Variants in LMAN1 observed in about 807,000 individuals in gnomAD.
LMAN1 encodes the protein lectin, mannose binding 1.
LMAN1 carries 32 observed loss-of-function variants against 67.8 expected under a neutral mutation model. The observed-to-expected ratio is 0.47, with a 90% CI of 0.36 to 0.63. LMAN1 has a LOEUF of 0.63. Among genes scored for constraint, LMAN1 ranks in the 30% least tolerant of loss-of-function variants. LMAN1 has a pLI of 0.00. For missense variants in LMAN1, 632 were observed against 628.2 expected (o/e 1.01, Z -0.06); for synonymous variants, 235 against 219.3 (o/e 1.07, Z -0.63).
In LMAN1 at chr18:59,331,446, C is replaced by A. The variant is rs750578344; in HGVS notation, c.1468G>T (p.Val490Leu). Residue 490 changes from valine to leucine, a missense_variant, in exon 12 of 13, where the codon GTA (valine) becomes TTA (leucine). Val to Leu is a conservative substitution (Grantham distance 32). Coordinates refer to ENST00000251047, the MANE Select transcript of LMAN1 (RefSeq NM_005570.4). Reference sequence around the variant, plus strand: ...TACATGATATAACCAATGAATAATACAGTTTGCACCACAACAAATATAATG... The same window carrying A: ...TACATGATATAACCAATGAATAATAAAGTTTGCACCACAACAAATATAATG... ...HFIIFVVVQT[V>L]LFIGYIMYRS... 1.9e-6 allele frequency: 3 copies of A among 1,608,672 alleles called. No individual in the cohort carries two copies. Among genetic ancestry groups the A allele is most frequent in the Non-Finnish European group, 2.6e-6 (3 of 1,175,314 alleles).
intron 5 of LMAN1, 137 bp downstream of exon 5, chr18:59,353,065 C>G (rs984251017): frequency 2.4e-5 from 18 of 757,662 alleles, no homozygotes; most frequent in Admixed American, 1.8e-4. Context: ...GAAGCCACCT[C>G]CGTTCTCTTA....
At position 59,330,682 on chromosome 18, in the gene LMAN1, A is replaced by G. The variant is rs1330400656; in HGVS notation, c.*411T>C. 2 of 161,718 alleles carry G rather than the reference A, an allele frequency of 1.2e-5. No homozygotes were observed. Among genetic ancestry groups the G allele is most frequent in the African/African-American group, 4.8e-5 (2 of 41,660 alleles). 10.0% of individuals were successfully genotyped at this position (161,718 alleles called of 1,614,324 possible). A position where few individuals can be genotyped will look rare whatever the true frequency, so the allele number is the denominator to read the frequency against. On this transcript the variant is annotated 3_prime_UTR_variant, in exon 13 of 13. Transcript: ENST00000251047. ...GACCTCTAAAAAAGACTTTGGTTAC[A>G]AAATAAACCTGATGGGACTTCTTAA...
At position 59,359,131 on chromosome 18, in the gene LMAN1, C is replaced by T. The variant is rs1389460714; in HGVS notation, c.114G>A (p.Ala38=). The part of the protein sequence containing the change: ...VRGDGVGGDP[A]VALPHRRFEY... ...CGAAACGGCGATGTGGCAACGCGAC[C>T]GCGGGGTCTCCTCCCACGCCGTCGC... The change falls in exon 1 of 13, where the codon GCG becomes GCA. Residue 38 remains alanine, a synonymous_variant. Coordinates refer to ENST00000251047, the MANE Select transcript of LMAN1 (RefSeq NM_005570.4). 7 of 1,614,120 alleles carry T rather than the reference C, an allele frequency of 4.3e-6. No individual in the cohort carries two copies. The South Asian group carries it at 6.6e-5, about 15-fold the overall frequency.
chr18:59,347,597 GA>G, intron 6 of LMAN1, 26 bp from the exon 7 acceptor site: 1 of 1,457,334 alleles, frequency 6.9e-7, no homozygotes, highest in Non-Finnish European at 9.5e-7. Flanking sequence ...AAAAAAGTCT[GA>G]AAAAGTTCCA....
At chr18:59,340,667 A>G (rs1356331419) in intron 8 of LMAN1, among the ~76,000 whole-genome samples, 1 of 152,214 alleles carries the variant, frequency 6.6e-6, no homozygotes, top group African/African-American at 2.4e-5. Flanking sequence ...ACAAAAGGGC[A>G]ATATTCACCA....
chr18:59,358,605 G>A (rs1230860133), intron 1 of LMAN1, among the ~76,000 whole-genome samples: 2 of 152,082 alleles, frequency 1.3e-5, no homozygotes, highest in Non-Finnish European at 1.5e-5. Flanking sequence ...AAGCGGGAAA[G>A]GAAGTAAGGG....
chr18:59,333,102 G>A lies in LMAN1; in HGVS notation c.1363C>T (p.Gln455Ter), dbSNP rs2070758343. ...GGAAACAAAGTTACCATATTTCGCT[G>A]CACTAAGTTATCTATGTCCCTCTTT... Reference protein sequence around the residue: ...IVKRDIDNLVQRNMPSNEKPK... With the variant: ...IVKRDIDNLV Residue 455 changes from glutamine to a stop codon, truncating the protein, a stop_gained, in exon 11 of 13, where the codon CAG becomes TAG. Transcript: ENST00000251047. LOFTEE classifies it high-confidence loss of function. 6.2e-7 allele frequency: 1 copy of A among 1,612,754 alleles called. No individual in the cohort carries two copies.
rs765110227 is a variant in LMAN1 at position 59,331,425 on chromosome 18, T to C, written c.1489A>G (p.Met497Val). 2 of 1,607,294 alleles carry C rather than the reference T, an allele frequency of 1.2e-6. No homozygotes were observed. The highest frequency in any genetic ancestry group is 1.3e-5 in the African/African-American group (1 of 74,846). Residue 497 changes from methionine (M) to valine (V), a missense_variant, in exon 12 of 13, where the codon ATG becomes GTG. Met to Val is a conservative substitution (Grantham distance 21, BLOSUM62 1). Coordinates refer to ENST00000251047, the MANE Select transcript of LMAN1 (RefSeq NM_005570.4). ...VQTVLFIGYI[M>V]YRSQQEAAAK... ...TTTTATCAAGAGACTTACCTATACA[T>C]GATATAACCAATGAATAATACAGTT...
intron 10 of LMAN1, among the ~76,000 whole-genome samples, 179 bp downstream of exon 10, chr18:59,338,378 T>C (rs186183051): frequency 2.0e-4 from 31 of 152,354 alleles, no homozygotes; most frequent in African/African-American, 7.2e-4. Flanking sequence ...TTAGACATGT[T>C]TGCAGTTTTT....
intron 10 of LMAN1, among the ~76,000 whole-genome samples, chr18:59,335,600 C>T (rs758864216): frequency 3.9e-5 from 6 of 152,018 alleles, no homozygotes; most frequent in Non-Finnish European, 7.4e-5. Context: ...GATGAAGAAG[C>T]GATATACACA....
At chr18:59,353,405 ACT>A in intron 4 of LMAN1, 104 bp from the exon 5 acceptor site, 2 of 855,878 alleles carry the variant, frequency 2.3e-6, no homozygotes, top group East Asian at 2.5e-5. Context: ...GTCTTGAGAT[ACT>A]TTATGTTATT....
intron 8 of LMAN1, among the ~76,000 whole-genome samples, chr18:59,345,408 A>G (rs747783859): frequency 1.3e-5 from 2 of 152,222 alleles, no homozygotes; most frequent in African/African-American, 2.4e-5. Context: ...CCAGGATTCT[A>G]TCGAGTAGTA....
At chr18:59,354,818 A>G (rs1908623160) in intron 3 of LMAN1, among the ~76,000 whole-genome samples, 1 of 152,230 alleles carries the variant, frequency 6.6e-6, no homozygotes. Context: ...CTGTTAAGCC[A>G]CAAGCTAATG....
intron 10 of LMAN1, 75 bp downstream of exon 10, chr18:59,338,482 G>A (rs1555671697): frequency 5.3e-6 from 6 of 1,141,586 alleles, no homozygotes; most frequent in South Asian, 3.8e-5. Flanking sequence ...GCAATACAGT[G>A]CTTGCACACC....
Position 59,359,061 on chromosome 18 carries a change from C to T in LMAN1, c.184G>A (p.Gly62Arg), listed in dbSNP as rs1230763417. 1 of 1,614,034 alleles carries T rather than the reference C, an allele frequency of 6.2e-7. No individual in the cohort carries two copies. Among genetic ancestry groups the T allele is most frequent in the Admixed American group, 1.7e-5 (1 of 60,034 alleles). ...GCGTGGGCCCAGAAGGGCACGGTCC[C>T]GTCGCTCTGCACCAGGTGCGGCCCC... The part of the protein sequence containing the change: ...FKGPHLVQSD[G>R]TVPFWAHAGN... Residue 62 changes from glycine (G) to arginine (R), a missense_variant, in exon 1 of 13, where the codon GGG (glycine) becomes AGG (arginine). Physicochemically the swap from Gly to Arg is moderately radical, Grantham distance 125 (BLOSUM62 -2). Transcript: ENST00000251047.
chr18:59,342,903 CTAA>C (rs1908318528), intron 8 of LMAN1, among the ~76,000 whole-genome samples: 1 of 151,874 alleles, frequency 6.6e-6, no homozygotes, highest in African/African-American at 2.4e-5. Context: ...CTCAAAAATC[CTAA>C]TGACTCCACC....
intron 1 of LMAN1, 48 bp downstream of exon 1, chr18:59,358,983 G>A (rs770963639): frequency 6.4e-7 from 1 of 1,569,448 alleles, no homozygotes; most frequent in Non-Finnish European, 8.8e-7. Context: ...CGAAGAGGCA[G>A]CAGAAGGGGG....
At chr18:59,353,896 A>G (rs559795629) in intron 4 of LMAN1, among the ~76,000 whole-genome samples, 2 of 152,312 alleles carry the variant, frequency 1.3e-5, no homozygotes, top group South Asian at 4.1e-4. Flanking sequence ...ACTTTAAATC[A>G]TCTCTAGATT....
chr18:59,353,017 C>T (rs1235525289), intron 5 of LMAN1, 185 bp downstream of exon 5: 44 of 597,986 alleles, frequency 7.4e-5, no homozygotes, highest in Non-Finnish European at 4.6e-5. Flanking sequence ...AACATACCAT[C>T]AGGGGTTTAC....
Sources: allele counts gnomAD v4.1 joint callset (sites outside exome capture counted in the v4.1 genomes callset), GRCh38; gene constraint gnomAD v4.1.1; transcripts MANE v1.5; gene names NCBI Gene and HGNC (gene_info 2026-07-23, HGNC 2026-07-21).